Variants in TACR1 observed in about 807,000 individuals in gnomAD.
TACR1 encodes tachykinin receptor 1, also known as substance-P receptor.
Under a neutral mutation model 35.8 loss-of-function variants are expected in TACR1, and 25 were observed. That is an observed-to-expected ratio of 0.70 (90% CI 0.51 to 0.98). TACR1 has a LOEUF of 0.98. TACR1 is among the 50% of genes least tolerant of loss of function. The pLI, the probability that TACR1 is intolerant of heterozygous loss-of-function variation, is 0.00. For missense variants in TACR1, 478 were observed against 522.9 expected, an observed-to-expected ratio of 0.91 and a Z score of 0.84; for synonymous variants, 195 against 206.7, an observed-to-expected ratio of 0.94 and a Z score of 0.48.
chr2:75,140,301 G>A (rs1402021399), intron 1 of TACR1, among the ~76,000 whole-genome samples: 1 of 152,062 alleles, frequency 6.6e-6, no homozygotes, highest in Non-Finnish European at 1.5e-5. Flanking sequence ...AATGAGGGTG[G>A]AATGTTGGAA....
intron 2 of TACR1, among the ~76,000 whole-genome samples, chr2:75,063,029 A>G (rs990355656): frequency 1.3e-5 from 2 of 152,212 alleles, no homozygotes; most frequent in Non-Finnish European, 2.9e-5. Context: ...CACATCTCAC[A>G]TGGTGGCAGA....
At chr2:75,166,886 G>C (rs1267798133) in intron 1 of TACR1, among the ~76,000 whole-genome samples, 2 of 152,122 alleles carry the variant, frequency 1.3e-5, no homozygotes, top group Non-Finnish European at 2.9e-5. Flanking sequence ...TGCTGCATTT[G>C]GGTTATAGAT....
At chr2:75,095,206 T>C (rs1673398523) in intron 2 of TACR1, among the ~76,000 whole-genome samples, 1 of 152,152 alleles carries the variant, frequency 6.6e-6, no homozygotes, top group Non-Finnish European at 1.5e-5. Flanking sequence ...GAAGTGGACA[T>C]GTGGCTGGAT....
chr2:75,094,444 G>A (rs1673371769), intron 2 of TACR1, among the ~76,000 whole-genome samples: 1 of 152,142 alleles, frequency 6.6e-6, no homozygotes. Flanking sequence ...AGTGGTCTTT[G>A]AAGTCTCCCT....
At chr2:75,084,907 T>A (rs936399183) in intron 2 of TACR1, among the ~76,000 whole-genome samples, 1 of 152,224 alleles carries the variant, frequency 6.6e-6, no homozygotes, top group Non-Finnish European at 1.5e-5. Flanking sequence ...ATTTGAAGAT[T>A]TTTTTATGTC....
At chr2:75,091,752 G>A (rs1572924774) in intron 2 of TACR1, among the ~76,000 whole-genome samples, 1 of 152,278 alleles carries the variant, frequency 6.6e-6, no homozygotes, top group East Asian at 1.9e-4. Flanking sequence ...AACTTAAGAA[G>A]AGGGATTCAC....
chr2:75,086,117 G>T (rs1188961127), intron 2 of TACR1, among the ~76,000 whole-genome samples: 1 of 152,200 alleles, frequency 6.6e-6, no homozygotes, highest in East Asian at 1.9e-4. Context: ...GTGTTGTTTG[G>T]GTTGAGGAGA....
chr2:75,169,257 T>G (rs1675218674), intron 1 of TACR1, among the ~76,000 whole-genome samples: 2 of 152,204 alleles, frequency 1.3e-5, no homozygotes, highest in African/African-American at 4.8e-5. Flanking sequence ...TTCTTTTGTT[T>G]CGTTTATTCC....
chr2:75,099,819 G>A (rs1268180557), intron 2 of TACR1, among the ~76,000 whole-genome samples: 1 of 152,064 alleles, frequency 6.6e-6, no homozygotes, highest in Non-Finnish European at 1.5e-5. Flanking sequence ...GATCTCCCCA[G>A]GTGATTAATC....
chr2:75,164,424 G>A (rs1675089904), intron 1 of TACR1, among the ~76,000 whole-genome samples: 1 of 151,510 alleles, frequency 6.6e-6, no homozygotes. Flanking sequence ...TATCTTGTAA[G>A]AATTAAAGAC....
intron 2 of TACR1, among the ~76,000 whole-genome samples, chr2:75,101,822 C>T (rs1253896345): frequency 1.3e-5 from 2 of 152,010 alleles, no homozygotes; most frequent in Non-Finnish European, 2.9e-5. Flanking sequence ...GTAGCACATG[C>T]CTGTAGTTCC....
At chr2:75,154,199 T>C (rs1674744179) in intron 1 of TACR1, among the ~76,000 whole-genome samples, 1 of 151,968 alleles carries the variant, frequency 6.6e-6, no homozygotes, top group Admixed American at 6.6e-5. Context: ...ATCTGAACAC[T>C]CAGGGTCATG....
In TACR1 at chr2:75,142,577, G is replaced by A. The variant is rs186274325; in HGVS notation, c.390-21809C>T. Reference sequence around the variant, plus strand: ...TGCGTTTATGAACACATTTTTGAGTGCCAGGAACTGTGCAAGGTGCTGGAG... The same window carrying A: ...TGCGTTTATGAACACATTTTTGAGTACCAGGAACTGTGCAAGGTGCTGGAG... On this transcript the variant is annotated intron_variant, in intron 1 of 4. Transcript: ENST00000305249. Among the ~76,000 whole-genome samples the A allele has an allele frequency of 3.9e-5, 6 of 152,302 alleles. No homozygotes were observed. In the East Asian group the frequency reaches 1.2e-3, roughly 29 times the overall value.
chr2:75,150,385 G>A (rs964094522), intron 1 of TACR1, among the ~76,000 whole-genome samples: 3 of 152,168 alleles, frequency 2.0e-5, no homozygotes, highest in African/African-American at 7.2e-5. Flanking sequence ...CATATGTTGG[G>A]AGGGACCCAG....
At chr2:75,112,892 AT>A (rs1366813576) in intron 2 of TACR1, among the ~76,000 whole-genome samples, 2 of 152,074 alleles carry the variant, frequency 1.3e-5, no homozygotes, top group African/African-American at 2.4e-5. Flanking sequence ...TATAATTTTT[AT>A]TTTTTTGGTG....
chr2:75,123,177 C>G lies in TACR1; in HGVS notation c.390-2409G>C, dbSNP rs186949960. On this transcript the variant is annotated intron_variant, in intron 1 of 4. Transcript: ENST00000305249. ...TTTCCCAAATGCAGCGGTGAAGATGCCTTATCTCACCTCCAGCACTGCATA... is the reference window on the plus strand; with the variant it reads ...TTTCCCAAATGCAGCGGTGAAGATGGCTTATCTCACCTCCAGCACTGCATA... Among the ~76,000 whole-genome samples the G allele has an allele frequency of 3.3e-5, 5 of 152,236 alleles. No homozygotes were observed. The East Asian group carries it at 9.6e-4, about 29-fold the overall frequency.
At chr2:75,050,989 T>C (rs901207621) in intron 4 of TACR1, 1 of 496,548 alleles carries the variant, frequency 2.0e-6, no homozygotes, top group African/African-American at 1.9e-5. Flanking sequence ...TGCCAGTATT[T>C]ATGAATCAGA....
chr2:75,158,636 A>G (rs3771842), intron 1 of TACR1, among the ~76,000 whole-genome samples: 84,781 of 151,998 alleles, frequency 0.56, 23,730 homozygotes, highest in African/African-American at 0.56. Flanking sequence ...TGCCTGCTGA[A>G]TATGTGATGT....
chr2:75,074,619 CT>C (rs1260994421), intron 2 of TACR1, among the ~76,000 whole-genome samples: 1 of 152,090 alleles, frequency 6.6e-6, no homozygotes, highest in Admixed American at 6.5e-5. Context: ...CCAGATTTTT[CT>C]TTTAAAGTGA....
Sources: allele counts gnomAD v4.1 joint callset (sites outside exome capture counted in the v4.1 genomes callset), GRCh38; gene constraint gnomAD v4.1.1; transcripts MANE v1.5; gene names NCBI Gene and HGNC (gene_info 2026-07-23, HGNC 2026-07-21).